RASSF8: variants seen among roughly 807,000 people sequenced by gnomAD.
The protein encoded by RASSF8 is Ras association domain family member 8.
RASSF8 carries 22 observed loss-of-function variants against 48.5 expected under a neutral mutation model. The observed-to-expected ratio is 0.45, with a 90% CI of 0.32 to 0.65. The LOEUF is 0.65. Among genes scored for constraint, RASSF8 ranks in the 30% least tolerant of loss-of-function variants. The pLI, the probability that RASSF8 is intolerant of heterozygous loss-of-function variation, is 0.03. For missense variants in RASSF8, 418 were observed against 489.2 expected (o/e 0.85, Z 1.37); for synonymous variants, 127 against 171.5 (o/e 0.74, Z 2.03).
intron 2 of RASSF8, among the ~76,000 whole-genome samples, chr12:26,048,068 A>G (rs1943410470): frequency 6.6e-6 from 1 of 152,244 alleles, no homozygotes; most frequent in Non-Finnish European, 1.5e-5. Context: ...ATTCCTGGCC[A>G]CTGGCTGGAA....
In RASSF8 at chr12:26,068,905, A is replaced by T. The variant is rs1341483159; in HGVS notation, c.*87A>T. ...GATTTGTGCCAATGATGAACAGAGG[A>T]TCTATTCCACAAGACGCTGTATGTT... On this transcript the variant is annotated 3_prime_UTR_variant, in exon 6 of 6. Coordinates refer to ENST00000689635, the MANE Select transcript of RASSF8 (RefSeq NM_001394098.1). 1 of 1,501,980 alleles carries T rather than the reference A, an allele frequency of 6.7e-7. No homozygotes were observed. The highest frequency in any genetic ancestry group is 1.4e-5 in the African/African-American group (1 of 71,970). 93.0% of individuals were successfully genotyped at this position (1,501,980 alleles called of 1,614,324 possible). A position where few individuals can be genotyped will look rare whatever the true frequency, so the allele number is the denominator to read the frequency against.
intron 1 of RASSF8, among the ~76,000 whole-genome samples, chr12:25,988,871 T>C (rs1941949882): frequency 6.6e-6 from 1 of 152,216 alleles, no homozygotes; most frequent in Non-Finnish European, 1.5e-5. Flanking sequence ...CTATAGTATG[T>C]TTAGAGAAAC....
intron 2 of RASSF8, among the ~76,000 whole-genome samples, chr12:26,047,949 G>A (rs989364650): frequency 1.3e-5 from 2 of 152,190 alleles, no homozygotes; most frequent in Non-Finnish European, 1.5e-5. Context: ...TTCTATTTTG[G>A]GTAATGAAAT....
chr12:25,997,310 A>G (rs931050623), intron 2 of RASSF8, among the ~76,000 whole-genome samples: 3 of 152,200 alleles, frequency 2.0e-5, no homozygotes, highest in Admixed American at 2.0e-4. Flanking sequence ...AAATAATGAT[A>G]AACAGGACTT....
Position 25,998,545 on chromosome 12 carries a change from C to T in RASSF8, c.-109+3415C>T, listed in dbSNP as rs184386806. Among the ~76,000 whole-genome samples, 27 of 152,186 alleles carry T rather than the reference C, an allele frequency of 1.8e-4. No homozygotes were observed. In the East Asian group the frequency reaches 5.0e-3, roughly 28 times the overall value. The stretch of plus-strand genomic sequence containing the variant: ...TGTATTTTTATTACAGACGGGGTTA[C>T]ACCATTTTGGCCAGGATGGTCTCGA... On this transcript the variant is annotated intron_variant, in intron 2 of 5. Coordinates refer to ENST00000689635, the MANE Select transcript of RASSF8 (RefSeq NM_001394098.1).
At chr12:25,991,421 TC>T (rs1369839571) in intron 1 of RASSF8, among the ~76,000 whole-genome samples, 32 of 152,094 alleles carry the variant, frequency 2.1e-4, no homozygotes, top group Admixed American at 3.9e-4. Flanking sequence ...TTTTTTTTTT[TC>T]TTTTTTTGAA....
chr12:26,025,903 A>AT (rs1402520732), intron 2 of RASSF8, among the ~76,000 whole-genome samples: 1 of 152,134 alleles, frequency 6.6e-6, no homozygotes. Context: ...ATAAAAAAAA[A>AT]GACATCTCAT....
At chr12:26,055,071 G>C (rs1259947690) in intron 2 of RASSF8, among the ~76,000 whole-genome samples, 165 bp from the exon 3 acceptor site, 1 of 152,160 alleles carries the variant, frequency 6.6e-6, no homozygotes, top group Non-Finnish European at 1.5e-5. Flanking sequence ...TGTCATGATA[G>C]GTGACTGTAG....
chr12:26,018,209 G>A (rs2137051055), intron 2 of RASSF8, among the ~76,000 whole-genome samples: 1 of 151,894 alleles, frequency 6.6e-6, no homozygotes, highest in East Asian at 1.9e-4. Context: ...ATGTTTCTTA[G>A]CTATATCCAT....
rs1005555125 is a variant in RASSF8 at position 26,068,727 on chromosome 12, G to A, written c.1169G>A (p.Arg390Gln). The A allele has an allele frequency of 1.9e-5, 29 of 1,537,304 alleles. No homozygotes were observed. Among genetic ancestry groups the A allele is most frequent in the South Asian group, 7.1e-5 (6 of 84,042 alleles). Residue 390 changes from arginine to glutamine, a missense_variant, in exon 6 of 6, where the codon CGA (arginine) becomes CAA (glutamine). Physicochemically the swap from Arg to Gln is conservative, Grantham distance 43. Transcript: ENST00000689635. Reference protein sequence around the residue: ...EAPFQSGSLKRPGSSRQLPSN... With the variant: ...EAPFQSGSLKQPGSSRQLPSN... ...CCATTCCAGTCTGGGTCCCTGAAGCGACCTGGTTCATCTCGGCAGCTCCCC... is the reference window on the plus strand; with the variant it reads ...CCATTCCAGTCTGGGTCCCTGAAGCAACCTGGTTCATCTCGGCAGCTCCCC...
intron 2 of RASSF8, among the ~76,000 whole-genome samples, chr12:26,045,228 G>C (rs916898208): frequency 5.9e-5 from 9 of 152,056 alleles, no homozygotes; most frequent in African/African-American, 1.9e-4. Flanking sequence ...TGCATGATTG[G>C]TTTTACCAAA....
chr12:26,030,610 C>T (rs1305962476), intron 2 of RASSF8, among the ~76,000 whole-genome samples: 1 of 152,106 alleles, frequency 6.6e-6, no homozygotes, highest in Non-Finnish European at 1.5e-5. Context: ...GAAATTCCCA[C>T]TTAGAAATAC....
intron 2 of RASSF8, among the ~76,000 whole-genome samples, chr12:26,009,757 G>A (rs938749893): frequency 6.6e-6 from 1 of 152,172 alleles, no homozygotes; most frequent in African/African-American, 2.4e-5. Flanking sequence ...TATTTAGCAA[G>A]GTGAAGGTGA....
rs116472784 is a variant in RASSF8, at chr12:25,973,010, A to G, written c.-203+13862A>G. The stretch of plus-strand genomic sequence containing the variant: ...TGTGTGATTCATTCATATTGCGTAT[A>G]ACTGTAGCTTGTTCATTCTTTTTTT... On this transcript the variant is annotated intron_variant, in intron 1 of 5. Transcript: ENST00000689635. Among the ~76,000 whole-genome samples the G allele has an allele frequency of 3.3e-3, 508 of 152,108 alleles. 3 individuals are homozygous for G. The highest frequency in any genetic ancestry group is 0.012 in the African/African-American group (490 of 41,492).
At chr12:26,077,238 T>G (rs1179738432), downstream of RASSF8, among the ~76,000 whole-genome samples, 2 of 152,244 alleles carry the variant, frequency 1.3e-5, no homozygotes, top group Non-Finnish European at 2.9e-5. Context: ...AGTAGTTTCT[T>G]TCGCTGTGCA....
Position 26,049,600 on chromosome 12 carries a change from T to C in RASSF8, c.-108-5636T>C, listed in dbSNP as rs138285315. 1.0e-3 allele frequency among the ~76,000 whole-genome samples: 157 copies of C among 152,340 alleles called. 1 individual carries two copies. In the East Asian group the frequency reaches 0.023, roughly 23 times the overall value. On this transcript the variant is annotated intron_variant, in intron 2 of 5. Transcript: ENST00000689635. ...GAGAGAAGTCTCTACTTCAAAGTCA[T>C]AGAGCTTTAACATTGTATATGGTCG...
chr12:25,997,119 C>A (rs1348113450), intron 2 of RASSF8, among the ~76,000 whole-genome samples: 1 of 152,080 alleles, frequency 6.6e-6, no homozygotes, highest in Non-Finnish European at 1.5e-5. Context: ...TCACGAGATA[C>A]CTTTGTTAGG....
intron 5 of RASSF8, among the ~76,000 whole-genome samples, chr12:26,068,379 A>G (rs1943927165): frequency 6.6e-6 from 1 of 152,146 alleles, no homozygotes; most frequent in African/African-American, 2.4e-5. Context: ...TTTTTCTTCT[A>G]AAAGTTATTA....
intron 3 of RASSF8, 40 bp downstream of exon 3, chr12:26,055,486 G>A (rs2137242450): frequency 6.8e-7 from 1 of 1,467,166 alleles, no homozygotes; most frequent in Non-Finnish European, 9.6e-7. Flanking sequence ...AGTACATTGT[G>A]CTTTCTTTCG....
Sources: gnomAD v4.1 joint callset for allele counts (sites outside exome capture counted in the v4.1 genomes callset) on GRCh38, gnomAD v4.1.1 for gene constraint, MANE v1.5 for transcripts, NCBI Gene and HGNC (gene_info 2026-07-23, HGNC 2026-07-21) for gene names.